The following EXPH5 variants were observed in gnomAD, a reference collection of about 807,000 sequenced individuals.
EXPH5 encodes exophilin-5.
In EXPH5, 42 loss-of-function variants were observed where a neutral mutation model predicts 41.1. The observed-to-expected ratio is 1.02, with a 90% confidence interval of 0.80 to 1.32. EXPH5 has a LOEUF of 1.32. Ranked by LOEUF, EXPH5 falls within the 40% of genes most tolerant of loss-of-function variation. EXPH5 has a pLI of 0.00. For synonymous variants in EXPH5, 798 were observed against 833.5 expected, an observed-to-expected ratio of 0.96 and a Z score of 0.73; for missense variants, 2,298 against 2,314.5, an observed-to-expected ratio of 0.99 and a Z score of 0.15.
In EXPH5 at chr11:108,584,472, T is replaced by C. The variant is rs560942211; in HGVS notation, c.119+8946A>G. ...CAGCTTAGGCGACAAAGAGAGACCC[T>C]GTCTCAAAAAAAAAAAAAGGGAGGA... is the stretch of plus-strand genomic sequence containing the variant. On this transcript the variant is annotated intron_variant, in intron 1 of 5. Coordinates refer to ENST00000265843, the MANE Select transcript of EXPH5 (RefSeq NM_015065.3). 8.0e-5 allele frequency among the ~76,000 whole-genome samples: 12 copies of C among 150,910 alleles called. No homozygotes were observed. The South Asian group carries it at 2.5e-3, about 32-fold the overall frequency.
At chr11:108,569,821 T>G (rs1244838040) in intron 1 of EXPH5, among the ~76,000 whole-genome samples, 1 of 117,826 alleles carries the variant, frequency 8.5e-6, no homozygotes, top group Non-Finnish European at 1.8e-5. Context: ...GGCTCTCACT[T>G]TACAGAGGAA....
rs1410637027 is a variant in EXPH5, at chr11:108,545,238, AC to A, written c.120-3427del. On this transcript the variant is annotated intron_variant, in intron 1 of 5. Transcript: ENST00000265843. ...AGACCAACCTGGGCAACATGGTGAG[AC>A]CCTGTCTCTACAAAAAATTTAAAAG... 3.3e-5 allele frequency among the ~76,000 whole-genome samples: 5 copies of A among 152,086 alleles called. No homozygotes were observed. In the East Asian group the frequency reaches 7.7e-4, roughly 23 times the overall value.
At chr11:108,587,419 C>T (rs538388090) in intron 1 of EXPH5, among the ~76,000 whole-genome samples, 7 of 152,178 alleles carry the variant, frequency 4.6e-5, no homozygotes, top group African/African-American at 1.7e-4. Context: ...TTTGTATTGC[C>T]TATAGCAGTA....
Position 108,541,653 on chromosome 11 carries a change from A to AT in EXPH5, c.278dup (p.Asn93LysfsTer2), listed in dbSNP as rs1305598119. 1.3e-6 allele frequency: 2 copies of AT among 1,593,874 alleles called. No individual in the cohort carries two copies. The highest frequency in any genetic ancestry group is 1.7e-6 in the Non-Finnish European group (2 of 1,170,906). On this transcript the variant is annotated frameshift_variant and splice_region_variant, in exon 2 of 6. Coordinates refer to ENST00000265843, the MANE Select transcript of EXPH5 (RefSeq NM_015065.3). LOFTEE classifies it high-confidence loss of function. The stretch of plus-strand genomic sequence containing the variant: ...TTAAATCTAAAATCTTTTTCTTACC[A>AT]TTTTTTGCCATCTCCTTACTTAGCC...
At chr11:108,602,924 T>A in the EXPH5 span, among the ~76,000 whole-genome samples, 4 of 152,076 alleles carry the variant, frequency 2.6e-5, no homozygotes, top group Admixed American at 2.6e-4. Flanking sequence ...ATAATCCCCA[T>A]GTGTTGAGGG....
chr11:108,571,243 G>C (rs73550537), intron 1 of EXPH5, among the ~76,000 whole-genome samples: 4,741 of 152,276 alleles, frequency 0.031, 275 homozygotes, highest in African/African-American at 0.11. Context: ...TTACACAACC[G>C]TGGATAGACA....
chr11:108,569,533 G>A (rs1379465372), intron 1 of EXPH5, among the ~76,000 whole-genome samples: 2 of 152,072 alleles, frequency 1.3e-5, no homozygotes, highest in African/African-American at 4.8e-5. Flanking sequence ...AGAGACAGGG[G>A]TTTCACCATG....
chr11:108,573,851 T>C (rs1038669011), intron 1 of EXPH5, among the ~76,000 whole-genome samples: 16 of 152,228 alleles, frequency 1.1e-4, no homozygotes, highest in African/African-American at 3.6e-4. Context: ...TTGAGACCAA[T>C]GTAGGCAACA....
intron 1 of EXPH5, among the ~76,000 whole-genome samples, chr11:108,587,199 T>G (rs2094115827): frequency 6.6e-6 from 1 of 152,252 alleles, no homozygotes; most frequent in Non-Finnish European, 1.5e-5. Context: ...TGCATACATG[T>G]GCCATGCTGG....
At chr11:108,563,421 T>G (rs570260756) in intron 1 of EXPH5, among the ~76,000 whole-genome samples, 3 of 151,946 alleles carry the variant, frequency 2.0e-5, no homozygotes, top group South Asian at 2.1e-4. Context: ...CCTGCTAGAG[T>G]CAGCTCCAGG....
intron 1 of EXPH5, among the ~76,000 whole-genome samples, chr11:108,592,811 G>A (rs551583279): frequency 3.3e-5 from 5 of 152,156 alleles, no homozygotes; most frequent in Non-Finnish European, 7.3e-5. Context: ...AGTCCCATTC[G>A]CCCACATAAG....
intron 3 of EXPH5, among the ~76,000 whole-genome samples, chr11:108,535,505 A>G (rs1470274369): frequency 2.6e-5 from 4 of 152,164 alleles, no homozygotes; most frequent in African/African-American, 9.7e-5. Context: ...ACTCAGACAT[A>G]GGCACTCAAC....
chr11:108,593,850 T>G (rs1049039186), upstream of EXPH5: 4 of 1,040,146 alleles, frequency 3.8e-6, no homozygotes, highest in Non-Finnish European at 5.7e-6. Context: ...CCCTCCCTCG[T>G]CTCGTCCCGT....
Position 108,512,681 on chromosome 11 carries a change from G to GT in EXPH5, c.2825dup (p.Asn942LysfsTer6). On this transcript the variant is annotated frameshift_variant, in exon 6 of 6. Transcript: ENST00000265843. LOFTEE classifies it low-confidence loss of function (END_TRUNC). ...GCACAGGACTATCATTTCTCTCTTG[G>GT]TTTTCTGAGTGGCTTACAATAAACT... 6.2e-7 allele frequency: 1 copy of GT among 1,614,038 alleles called. No individual in the cohort carries two copies.
At chr11:108,581,308 A>C (rs1178221725) in intron 1 of EXPH5, among the ~76,000 whole-genome samples, 1 of 151,850 alleles carries the variant, frequency 6.6e-6, no homozygotes, top group Non-Finnish European at 1.5e-5. Flanking sequence ...TATTTCAGAG[A>C]AAAGAAAAAA....
intron 1 of EXPH5, among the ~76,000 whole-genome samples, chr11:108,571,079 C>G (rs752604819): frequency 6.6e-5 from 10 of 152,172 alleles, no homozygotes; most frequent in South Asian, 2.1e-4. Flanking sequence ...GAAGCTGGAG[C>G]CTCAGCTCGG....
At chr11:108,552,195 G>A (rs1158616450) in intron 1 of EXPH5, 1 of 152,056 alleles carries the variant, frequency 6.6e-6, no homozygotes, top group Non-Finnish European at 1.5e-5. Flanking sequence ...GGCTGCACCA[G>A]TAGCTTTATC....
intron 1 of EXPH5, among the ~76,000 whole-genome samples, chr11:108,552,662 T>C (rs1158445470): frequency 6.6e-6 from 1 of 152,190 alleles, no homozygotes; most frequent in Non-Finnish European, 1.5e-5. Flanking sequence ...ATGTCTGTAA[T>C]CCCAGAGCCT....
chr11:108,550,781 AAAAT>A (rs997724496), intron 1 of EXPH5, among the ~76,000 whole-genome samples: 6 of 152,104 alleles, frequency 3.9e-5, no homozygotes, highest in Non-Finnish European at 7.4e-5. Flanking sequence ...TTCGTCTCAA[AAAAT>A]AAATAAATAA....
Sources: allele counts gnomAD v4.1 joint callset (sites outside exome capture counted in the v4.1 genomes callset), GRCh38; gene constraint gnomAD v4.1.1; transcripts MANE v1.5; gene names NCBI Gene and HGNC (gene_info 2026-07-23, HGNC 2026-07-21).